DMRT1: variants seen among roughly 807,000 people sequenced by gnomAD.
DMRT1 encodes doublesex- and mab-3-related transcription factor 1.
DMRT1 carries 7 observed loss-of-function variants against 32.3 expected under a neutral mutation model. The ratio of observed to expected loss-of-function variants is 0.22; its 90% CI spans 0.12 to 0.41. The LOEUF is 0.41. DMRT1 is among the 10% of genes least tolerant of loss of function. DMRT1 has a pLI of 1.00. For synonymous variants in DMRT1, 278 were observed against 206.1 expected (o/e 1.35, Z -2.99); for missense variants, 625 against 500.5 (o/e 1.25, Z -2.37).
chr9:966,043 C>T (rs2130018110), intron 4 of DMRT1, among the ~76,000 whole-genome samples: 1 of 152,274 alleles, frequency 6.6e-6, no homozygotes, highest in Admixed American at 6.5e-5. Flanking sequence ...GCACGGACTC[C>T]AGGAAGCTCT....
intron 1 of DMRT1, among the ~76,000 whole-genome samples, chr9:843,401 C>CA (rs1351656280): frequency 6.6e-6 from 1 of 152,244 alleles, no homozygotes; most frequent in Non-Finnish European, 1.5e-5. Context: ...ATTTTATTAG[C>CA]ATTTTAAAAT....
intron 2 of DMRT1, among the ~76,000 whole-genome samples, chr9:871,424 C>T (rs1439114366): frequency 1.3e-5 from 2 of 151,564 alleles, no homozygotes; most frequent in Admixed American, 6.6e-5. Flanking sequence ...GCTCCGCGTC[C>T]CGGGTTCACG....
At chr9:856,420 A>G (rs1035171652) in intron 2 of DMRT1, among the ~76,000 whole-genome samples, 1 of 152,160 alleles carries the variant, frequency 6.6e-6, no homozygotes, top group African/African-American at 2.4e-5. Flanking sequence ...CCCTAGGCAG[A>G]CACTAATAGA....
chr9:920,811 G>T (rs1335437881), intron 4 of DMRT1, among the ~76,000 whole-genome samples: 1 of 152,192 alleles, frequency 6.6e-6, no homozygotes. Context: ...AGCCAGGTGG[G>T]GTGGGAACCA....
chr9:898,409 G>A (rs569782828), intron 3 of DMRT1, among the ~76,000 whole-genome samples: 2 of 152,256 alleles, frequency 1.3e-5, no homozygotes, highest in Admixed American at 6.5e-5. Context: ...ATGAGTCACC[G>A]TGCCTGGCCC....
chr9:867,348 TC>T (rs1205127598), intron 2 of DMRT1, among the ~76,000 whole-genome samples: 1 of 152,202 alleles, frequency 6.6e-6, no homozygotes, highest in Non-Finnish European at 1.5e-5. Flanking sequence ...CTAATTCCTC[TC>T]TGGGAAGCCA....
intron 2 of DMRT1, among the ~76,000 whole-genome samples, chr9:866,025 G>A (rs1318867064): frequency 6.6e-6 from 1 of 151,932 alleles, no homozygotes; most frequent in Non-Finnish European, 1.5e-5. Flanking sequence ...TTAGCTGGAT[G>A]TGGTGGTGGG....
intron 2 of DMRT1, among the ~76,000 whole-genome samples, chr9:862,769 A>G (rs1253392056): frequency 2.6e-5 from 4 of 151,952 alleles, no homozygotes; most frequent in Non-Finnish European, 4.4e-5. Context: ...CCCTTCTGAG[A>G]GTGGCTGCTA....
chr9:934,457 G>C (rs1818822126), intron 4 of DMRT1, among the ~76,000 whole-genome samples: 1 of 152,152 alleles, frequency 6.6e-6, no homozygotes, highest in African/African-American at 2.4e-5. Context: ...CTTGAGCCCA[G>C]GAGTTTGAGG....
At chr9:962,099 A>ATTAT (rs1051702274) in intron 4 of DMRT1, among the ~76,000 whole-genome samples, 8 of 152,188 alleles carry the variant, frequency 5.3e-5, no homozygotes, top group Non-Finnish European at 1.0e-4. Context: ...AAGACTTAAT[A>ATTAT]TATTTTGGTT....
At chr9:964,170 A>T (rs1489899263) in intron 4 of DMRT1, among the ~76,000 whole-genome samples, 2 of 152,204 alleles carry the variant, frequency 1.3e-5, no homozygotes, top group Non-Finnish European at 1.5e-5. Flanking sequence ...TTGCAATGTC[A>T]AAAGATTTAG....
At chr9:880,324 C>T (rs769922020) in intron 2 of DMRT1, among the ~76,000 whole-genome samples, 2 of 146,728 alleles carry the variant, frequency 1.4e-5, no homozygotes, top group East Asian at 3.8e-4. Flanking sequence ...TCAAGTTACT[C>T]TTTCTTTCTG....
intron 4 of DMRT1, among the ~76,000 whole-genome samples, chr9:966,879 T>C (rs889243496): frequency 1.3e-5 from 2 of 152,204 alleles, no homozygotes; most frequent in African/African-American, 4.8e-5. Flanking sequence ...AGCACTCAGC[T>C]CCCAATGCAT....
At chr9:933,892 T>G (rs539010547) in intron 4 of DMRT1, among the ~76,000 whole-genome samples, 1 of 152,246 alleles carries the variant, frequency 6.6e-6, no homozygotes, top group African/African-American at 2.4e-5. Context: ...TTTAAAGGTC[T>G]TGACTTTTGT....
At chr9:966,452 C>T (rs2130019770) in intron 4 of DMRT1, among the ~76,000 whole-genome samples, 1 of 152,216 alleles carries the variant, frequency 6.6e-6, no homozygotes, top group East Asian at 1.9e-4. Context: ...AAAAAGTAAC[C>T]ACTTGTCAGG....
At chr9:854,053 ACTC>A (rs1350671261) in intron 2 of DMRT1, among the ~76,000 whole-genome samples, 2 of 149,338 alleles carry the variant, frequency 1.3e-5, no homozygotes, top group African/African-American at 4.9e-5. Context: ...CAGGAGTTGA[ACTC>A]CTGCTTCAGC....
chr9:856,545 C>T (rs114368125), intron 2 of DMRT1, among the ~76,000 whole-genome samples: 3,609 of 152,248 alleles, frequency 0.024, 145 homozygotes, highest in African/African-American at 0.082. Flanking sequence ...TAAGTTTATC[C>T]ATGTTGTAGC....
intron 4 of DMRT1, among the ~76,000 whole-genome samples, chr9:953,292 C>G (rs989538921): frequency 6.6e-6 from 1 of 151,832 alleles, no homozygotes; most frequent in Non-Finnish European, 1.5e-5. Context: ...AAAAAAAAGT[C>G]TGTGTATCTT....
At chr9:897,844 T>C (rs941190746) in intron 3 of DMRT1, among the ~76,000 whole-genome samples, 1 of 152,168 alleles carries the variant, frequency 6.6e-6, no homozygotes, top group East Asian at 1.9e-4. Flanking sequence ...TTAACTATTA[T>C]CAAAAGACTG....
Sources: allele counts gnomAD v4.1 joint callset (sites outside exome capture counted in the v4.1 genomes callset), GRCh38; gene constraint gnomAD v4.1.1; transcripts MANE v1.5; gene names NCBI Gene and HGNC (gene_info 2026-07-23, HGNC 2026-07-21).